The following GNAQ variants were observed in gnomAD, a reference collection of about 807,000 sequenced individuals.
The protein encoded by GNAQ is G protein subunit alpha q, also known as guanine nucleotide-binding protein G(q) subunit alpha.
A neutral mutation model predicts 43.9 loss-of-function variants in GNAQ; 8 were observed. That is an observed-to-expected ratio of 0.18 (90% confidence interval 0.11 to 0.33). The LOEUF (loss-of-function observed/expected upper bound fraction) is 0.33, where lower values mean the gene tolerates loss of function less well. Ranked by LOEUF, GNAQ falls within the 10% of genes least tolerant of loss-of-function variation. The pLI is 1.00. For synonymous variants in GNAQ, 155 were observed against 170.7 expected (o/e 0.91, Z 0.71); for missense variants, 158 against 450.8 (o/e 0.35, Z 5.88).
chr9:78,005,652 T>G (rs968556193), intron 1 of GNAQ, among the ~76,000 whole-genome samples: 1 of 152,178 alleles, frequency 6.6e-6, no homozygotes, highest in African/African-American at 2.4e-5. Flanking sequence ...CCATCCCATG[T>G]GATCCTCCCA....
At chr9:77,930,309 T>C (rs1460424667) in intron 1 of GNAQ, among the ~76,000 whole-genome samples, 1 of 152,208 alleles carries the variant, frequency 6.6e-6, no homozygotes, top group Admixed American at 6.5e-5. Context: ...TCTTGTCCAT[T>C]TCTATTTCTT....
chr9:77,813,074 G>A (rs1826953139), intron 3 of GNAQ, among the ~76,000 whole-genome samples: 1 of 151,570 alleles, frequency 6.6e-6, no homozygotes, highest in South Asian at 2.1e-4. Context: ...CACCACGCCT[G>A]GCTACTTTTT....
At chr9:77,838,268 C>T (rs780499674) in intron 2 of GNAQ, among the ~76,000 whole-genome samples, 9 of 149,348 alleles carry the variant, frequency 6.0e-5, no homozygotes, top group Non-Finnish European at 1.2e-4. Context: ...CTCAGCCTTC[C>T]GAGTAGCTGG....
intron 1 of GNAQ, among the ~76,000 whole-genome samples, chr9:77,997,789 G>C (rs867572438): frequency 9.2e-5 from 14 of 152,176 alleles, no homozygotes; most frequent in African/African-American, 3.4e-4. Context: ...CGGCGGGCAA[G>C]GGCAGTCCCT....
At chr9:77,845,946 T>C (rs1827577363) in intron 2 of GNAQ, among the ~76,000 whole-genome samples, 1 of 152,188 alleles carries the variant, frequency 6.6e-6, no homozygotes, top group African/African-American at 2.4e-5. Flanking sequence ...AAGAGAAATG[T>C]GACCAAGTGA....
At position 77,940,950 on chromosome 9, in the gene GNAQ, C is replaced by T. The variant is rs527514122; in HGVS notation, c.137-18605G>A. ...CTGCACTCCAGCCTGGGCGACAGAG[C>T]GAGACTCCGTCTCAAAAAAAAAAAA... On this transcript the variant is annotated intron_variant, in intron 1 of 6. Transcript: ENST00000286548. 3.3e-4 allele frequency among the ~76,000 whole-genome samples: 50 copies of T among 149,664 alleles called. No homozygotes were observed. In the East Asian group the frequency reaches 7.0e-3, roughly 21 times the overall value.
chr9:77,861,491 C>T (rs1041856573), intron 2 of GNAQ, among the ~76,000 whole-genome samples: 3 of 152,126 alleles, frequency 2.0e-5, no homozygotes, highest in East Asian at 1.9e-4. Flanking sequence ...AAGTCCCTTC[C>T]GCTTATGAGC....
rs76251750 is a variant in GNAQ, at chr9:77,793,397, G to A, written c.735+1066C>T. Reference sequence around the variant, plus strand: ...CGGTTCTATATAGACATTGGTTCACGGAAACTTTATCAATCCTATACATAA... The same window carrying A: ...CGGTTCTATATAGACATTGGTTCACAGAAACTTTATCAATCCTATACATAA... On this transcript the variant is annotated intron_variant, in intron 5 of 6. Coordinates refer to ENST00000286548, the MANE Select transcript of GNAQ (RefSeq NM_002072.5). Among the ~76,000 whole-genome samples the A allele has an allele frequency of 7.2e-3, 1,089 of 152,108 alleles. 14 individuals are homozygous for A. The highest frequency in any genetic ancestry group is 0.025 in the African/African-American group (1,041 of 41,488).
chr9:77,943,245 G>A (rs1042988893), intron 1 of GNAQ, among the ~76,000 whole-genome samples: 1 of 152,294 alleles, frequency 6.6e-6, no homozygotes, highest in Admixed American at 6.5e-5. Flanking sequence ...TGGTTCCTGA[G>A]TCAAATTTGA....
chr9:77,745,212 A>G (rs1825710799), intron 5 of GNAQ, among the ~76,000 whole-genome samples: 1 of 152,144 alleles, frequency 6.6e-6, no homozygotes, highest in South Asian at 2.1e-4. Context: ...GATGGGAGAA[A>G]CAGCTGGGTT....
intron 2 of GNAQ, among the ~76,000 whole-genome samples, chr9:77,887,041 G>A (rs928880868): frequency 2.0e-5 from 3 of 152,100 alleles, no homozygotes; most frequent in Non-Finnish European, 4.4e-5. Flanking sequence ...AGAATCTCTT[G>A]AACCTGGGAG....
intron 1 of GNAQ, among the ~76,000 whole-genome samples, chr9:77,966,841 G>T (rs1485582673): frequency 6.6e-6 from 1 of 152,198 alleles, no homozygotes; most frequent in African/African-American, 2.4e-5. Flanking sequence ...CTCTTGCTCA[G>T]TTCTGGAAGA....
intron 1 of GNAQ, among the ~76,000 whole-genome samples, chr9:77,969,896 T>C (rs1001894114): frequency 1.3e-5 from 2 of 152,174 alleles, no homozygotes; most frequent in Non-Finnish European, 2.9e-5. Flanking sequence ...CACCACCAAA[T>C]TCTTCATGAG....
chr9:77,933,611 C>T (rs564575042), intron 1 of GNAQ, among the ~76,000 whole-genome samples: 2 of 150,614 alleles, frequency 1.3e-5, no homozygotes, highest in Admixed American at 6.7e-5. Flanking sequence ...TACCACTGCA[C>T]TCCTGGGTGA....
intron 5 of GNAQ, among the ~76,000 whole-genome samples, chr9:77,740,462 T>C (rs965313463): frequency 6.6e-6 from 1 of 152,068 alleles, no homozygotes; most frequent in East Asian, 1.9e-4. Flanking sequence ...TCAGAGTAAG[T>C]TTGGAACTGA....
At chr9:77,728,908 T>C (rs1327355366) in intron 5 of GNAQ, among the ~76,000 whole-genome samples, 2 of 152,188 alleles carry the variant, frequency 1.3e-5, no homozygotes, top group African/African-American at 4.8e-5. Context: ...TCAGCTAAAA[T>C]AGCTCTTACG....
intron 1 of GNAQ, among the ~76,000 whole-genome samples, chr9:77,982,787 G>T (rs1293287274): frequency 1.3e-5 from 2 of 150,568 alleles, no homozygotes; most frequent in African/African-American, 4.9e-5. Flanking sequence ...CACACACCAG[G>T]GCCTGTCGTG....
intron 1 of GNAQ, among the ~76,000 whole-genome samples, chr9:77,942,136 G>C (rs895933592): frequency 1.3e-5 from 2 of 152,058 alleles, no homozygotes; most frequent in Admixed American, 6.6e-5. Context: ...AGAAAAAAAA[G>C]GTCTATCCCC....
At chr9:77,935,121 T>A (rs1829211855) in intron 1 of GNAQ, among the ~76,000 whole-genome samples, 1 of 152,138 alleles carries the variant, frequency 6.6e-6, no homozygotes, top group Admixed American at 6.6e-5. Context: ...TGAGATGCTG[T>A]CTCAAAAAAA....
Sources: allele counts gnomAD v4.1 joint callset (sites outside exome capture counted in the v4.1 genomes callset), GRCh38; gene constraint gnomAD v4.1.1; transcripts MANE v1.5; gene names NCBI Gene and HGNC (gene_info 2026-07-23, HGNC 2026-07-21).